KYAT1: variants seen among roughly 807,000 people sequenced by gnomAD.
KYAT1 encodes kynurenine--oxoglutarate transaminase 1.
Under a neutral mutation model 52.4 loss-of-function variants are expected in KYAT1, and 47 were observed. The observed-to-expected ratio is 0.90, with a 90% confidence interval of 0.71 to 1.14. The LOEUF is 1.14. Among genes scored for constraint, KYAT1 ranks in the 50% most tolerant of loss-of-function variants. KYAT1 has a pLI of 0.00. For synonymous variants in KYAT1, 212 were observed against 209.6 expected (o/e 1.01, Z -0.10); for missense variants, 480 against 557.9 (o/e 0.86, Z 1.41).
chr9:128,838,462 G>A (rs1831543568), intron 3 of KYAT1, 95 bp from the exon 4 acceptor site: 2 of 1,474,350 alleles, frequency 1.4e-6, no homozygotes, highest in African/African-American at 1.4e-5. Context: ...CCAGCAGCAG[G>A]CCTGGGGGCA....
At chr9:128,861,128 C>T (rs932175502) in intron 1 of KYAT1, among the ~76,000 whole-genome samples, 4 of 152,204 alleles carry the variant, frequency 2.6e-5, no homozygotes, top group African/African-American at 9.7e-5. Context: ...AAACGCAATA[C>T]AATGAAGTGT....
At chr9:128,843,365 C>T (rs1273700737) in intron 2 of KYAT1, among the ~76,000 whole-genome samples, 1 of 151,030 alleles carries the variant, frequency 6.6e-6, no homozygotes, top group Non-Finnish European at 1.5e-5. Flanking sequence ...CCACCATGAC[C>T]CATAGGAAGA....
chr9:128,863,571 T>G (rs1588131685), intron 1 of KYAT1, among the ~76,000 whole-genome samples: 1 of 122,530 alleles, frequency 8.2e-6, no homozygotes, highest in Admixed American at 1.0e-4. Context: ...ATGGGTGTGG[T>G]GAAGGTAGGT....
At chr9:128,869,128 C>T (rs1338731543) in intron 1 of KYAT1, among the ~76,000 whole-genome samples, 1 of 151,902 alleles carries the variant, frequency 6.6e-6, no homozygotes, top group Non-Finnish European at 1.5e-5. Context: ...GTGGGAGCCA[C>T]TGCGCCTGGC....
rs139489795 is a variant in KYAT1, at chr9:128,845,200, T to A, written c.53+153A>T. Among the ~76,000 whole-genome samples the A allele has an allele frequency of 2.3e-4, 35 of 152,222 alleles. No individual in the cohort carries two copies. The East Asian group carries it at 4.8e-3, about 21-fold the overall frequency. The stretch of plus-strand genomic sequence containing the variant: ...AAGCTGAGATTTGAACCAAGCCTAC[T>A]CCCTCGGGCCCTGTCTCTCCTGAGC... On this transcript the variant is annotated intron_variant, in intron 2 of 12. Coordinates refer to ENST00000302586, the MANE Select transcript of KYAT1 (RefSeq NM_004059.5).
At chr9:128,844,860 G>A (rs1025861044) in intron 2 of KYAT1, among the ~76,000 whole-genome samples, 6 of 152,116 alleles carry the variant, frequency 3.9e-5, no homozygotes, top group Non-Finnish European at 5.9e-5. Context: ...GCAAAACTCC[G>A]TCTCAAAAAT....
At chr9:128,868,788 C>A (rs1379185579) in intron 1 of KYAT1, among the ~76,000 whole-genome samples, 3 of 151,342 alleles carry the variant, frequency 2.0e-5, no homozygotes, top group Non-Finnish European at 4.4e-5. Context: ...TCACTACAAC[C>A]TCTGCCTCTG....
intron 1 of KYAT1, among the ~76,000 whole-genome samples, chr9:128,849,658 A>T (rs1028827319): frequency 1.3e-5 from 2 of 149,062 alleles, no homozygotes; most frequent in African/African-American, 4.9e-5. Flanking sequence ...TTAGCCAGGC[A>T]TGGTGGTTGG....
chr9:128,840,468 C>T (rs1045396907), intron 3 of KYAT1: 27 of 333,904 alleles, frequency 8.1e-5, no homozygotes, highest in African/African-American at 5.9e-4. Flanking sequence ...GCAGGCTGGT[C>T]TTGAACTCCT....
rs537211110 is a variant in KYAT1 at position 128,849,883 on chromosome 9, CT to C, written c.-6-4473del. On this transcript the variant is annotated intron_variant, in intron 1 of 12. Transcript: ENST00000302586. ...ACACATATAAATTTTTTATTTTCTT[CT>C]TTTTTTTTTTTTTTTTTTGAGATAG... Among the ~76,000 whole-genome samples, 19 of 91,958 alleles carry C rather than the reference CT, an allele frequency of 2.1e-4. 1 individual carries two copies. The highest frequency in any genetic ancestry group is 4.2e-4 in the Admixed American group (3 of 7,096). The allele number at this position is 91,958 out of a possible 152,430, so 60.3% of individuals were successfully genotyped here.
chr9:128,880,228 C>T (rs1345944180), intron 1 of KYAT1, among the ~76,000 whole-genome samples: 1 of 152,176 alleles, frequency 6.6e-6, no homozygotes, highest in Non-Finnish European at 1.5e-5. Context: ...AAGCCCTGGA[C>T]TTTAAGCCTG....
At chr9:128,841,849 G>A (rs1042165220) in intron 3 of KYAT1, among the ~76,000 whole-genome samples, 2 of 152,038 alleles carry the variant, frequency 1.3e-5, no homozygotes, top group Non-Finnish European at 2.9e-5. Context: ...GCTGGGTGAG[G>A]TGGCATGCCC....
intron 1 of KYAT1, among the ~76,000 whole-genome samples, chr9:128,868,919 T>C (rs1836819744): frequency 6.6e-6 from 1 of 151,976 alleles, no homozygotes; most frequent in African/African-American, 2.4e-5. Flanking sequence ...TTGGCCAGGA[T>C]GGTCTCGATC....
chr9:128,847,442 C>G, intron 1 of KYAT1: 1 of 1,535,294 alleles, frequency 6.5e-7, no homozygotes, highest in Non-Finnish European at 8.7e-7. Context: ...CAGTCTGGTG[C>G]AAGAACCAAG....
At chr9:128,846,457 G>T (rs1833107802) in intron 1 of KYAT1, among the ~76,000 whole-genome samples, 1 of 151,748 alleles carries the variant, frequency 6.6e-6, no homozygotes, top group African/African-American at 2.4e-5. Flanking sequence ...AACTTATCTG[G>T]GCGTCATGAC....
intron 1 of KYAT1, among the ~76,000 whole-genome samples, chr9:128,875,508 G>A (rs761912922): frequency 6.6e-6 from 1 of 151,978 alleles, no homozygotes; most frequent in South Asian, 2.1e-4. Context: ...AGCTACTCGG[G>A]AGGCTGAGGC....
rs753732675 is a variant in KYAT1, at chr9:128,845,415, G to A, written c.-6-4C>T. The A allele has an allele frequency of 3.1e-6, 5 of 1,613,706 alleles. No homozygotes were observed. The highest frequency in any genetic ancestry group is 4.2e-6 in the Non-Finnish European group (5 of 1,179,972). On this transcript the variant is annotated splice_region_variant and splice_polypyrimidine_tract_variant and intron_variant, in intron 1 of 12. Coordinates refer to ENST00000302586, the MANE Select transcript of KYAT1 (RefSeq NM_004059.5). ...GCAGCTGTTTGGCCATGGCGAGCTG[G>A]AGACGAACAAGTGGAAGGTCAGAGA...
intron 1 of KYAT1, among the ~76,000 whole-genome samples, chr9:128,866,524 G>A (rs1328091690): frequency 6.6e-6 from 1 of 152,138 alleles, no homozygotes; most frequent in Non-Finnish European, 1.5e-5. Context: ...ACTTGAACCT[G>A]GGAAGTGGAG....
intron 6 of KYAT1, among the ~76,000 whole-genome samples, chr9:128,837,213 G>A (rs1831289986): frequency 6.6e-6 from 1 of 152,290 alleles, no homozygotes; most frequent in African/African-American, 2.4e-5. Flanking sequence ...AGAATTGCTT[G>A]AACCCAGGAG....
Sources: gnomAD v4.1 joint callset for allele counts (sites outside exome capture counted in the v4.1 genomes callset) on GRCh38, gnomAD v4.1.1 for gene constraint, MANE v1.5 for transcripts, NCBI Gene and HGNC (gene_info 2026-07-23, HGNC 2026-07-21) for gene names.